The following ZNF75A variants were observed in gnomAD, a reference collection of about 807,000 sequenced individuals.
The protein encoded by ZNF75A is zinc finger protein 75A.
ZNF75A carries 36 observed loss-of-function variants against 46.3 expected under a neutral mutation model. The observed-to-expected ratio is 0.78, with a 90% CI of 0.60 to 1.03. ZNF75A has a LOEUF of 1.03. Among genes scored for constraint, ZNF75A ranks in the 50% least tolerant of loss-of-function variants. The pLI, the probability that ZNF75A is intolerant of heterozygous loss-of-function variation, is 0.00. For synonymous variants in ZNF75A, 234 were observed against 189.9 expected, an observed-to-expected ratio of 1.23 and a Z score of -1.91; for missense variants, 595 against 551.3, an observed-to-expected ratio of 1.08 and a Z score of -0.79.
downstream of ZNF75A, among the ~76,000 whole-genome samples, chr16:3,319,461 A>G (rs1298902644): frequency 1.3e-5 from 2 of 152,198 alleles, no homozygotes; most frequent in African/African-American, 4.8e-5. Flanking sequence ...GCTCTGGTCT[A>G]CATAGCTCTT....
In ZNF75A at chr16:3,312,700, G is replaced by T; in HGVS notation, c.628G>T (p.Ala210Ser). ...AGCTGTGCCTACTCAACAGATTCTA[G>T]CTTTTCCTGAGCAAACAAACACCAA... ...ERAVPTQQIL[A>S]FPEQTNTKDW... The change falls in exon 4 of 7, where the codon GCT becomes TCT. Residue 210 changes from alanine to serine, a missense_variant. Ala to Ser is a moderately conservative substitution (Grantham distance 99, BLOSUM62 1). Coordinates refer to ENST00000669516, the MANE Select transcript of ZNF75A (RefSeq NM_001302109.2). 9.8e-7 allele frequency: 1 copy of T among 1,018,006 alleles called. No homozygotes were observed. The highest frequency in any genetic ancestry group is 1.7e-5 in the African/African-American group (1 of 58,246). The allele number at this position is 1,018,006 out of a possible 1,614,324, so 63.1% of individuals were successfully genotyped here.
Position 3,317,234 on chromosome 16 carries a change from C to A in ZNF75A, c.979C>A (p.Leu327Ile), listed in dbSNP as rs1431335979. Residue 327 changes from leucine to isoleucine, a missense_variant, in exon 7 of 7, where the codon CTT becomes ATT. Leu to Ile is a conservative substitution (Grantham distance 5). Coordinates refer to ENST00000669516, the MANE Select transcript of ZNF75A (RefSeq NM_001302109.2). ...CACTGAAAATCATCAGCCTGTGTCT[C>A]TTTCTGACTTAGAAATACAAGCATC... ...NDTENHQPVSLSDLEIQASAG... is the reference protein window; with the variant it reads ...NDTENHQPVSISDLEIQASAG... 6.2e-7 allele frequency: 1 copy of A among 1,613,782 alleles called. No individual in the cohort carries two copies. The highest frequency in any genetic ancestry group is 2.2e-5 in the East Asian group (1 of 44,868).
chr16:3,316,037 T>C (rs1961181480), intron 5 of ZNF75A: 1 of 152,364 alleles, frequency 6.6e-6, no homozygotes, highest in Middle Eastern at 3.4e-3. Flanking sequence ...TGCTCAAGTA[T>C]TACTTTCTCA....
At chr16:3,314,183 A>G (rs1961022546) in intron 5 of ZNF75A, among the ~76,000 whole-genome samples, 2 of 152,174 alleles carry the variant, frequency 1.3e-5, no homozygotes, top group Admixed American at 1.3e-4. Flanking sequence ...AGTGGTTACC[A>G]TACACACTCT....
chr16:3,313,293 T>G (rs1218978199), intron 5 of ZNF75A, 118 bp downstream of exon 5: 4 of 1,032,964 alleles, frequency 3.9e-6, no homozygotes, highest in Non-Finnish European at 5.7e-6. Flanking sequence ...ATCTAGATGG[T>G]ATAGGGGAGG....
intron 5 of ZNF75A, among the ~76,000 whole-genome samples, chr16:3,315,456 A>C (rs1961140880): frequency 1.3e-5 from 2 of 152,000 alleles, no homozygotes. Context: ...TGGCCTCCCA[A>C]AGTGCTGGGA....
intron 5 of ZNF75A, among the ~76,000 whole-genome samples, chr16:3,314,408 G>A (rs1012437880): frequency 2.0e-4 from 31 of 152,176 alleles, no homozygotes; most frequent in African/African-American, 7.0e-4. Context: ...GTTGAGCTGT[G>A]CTTTCCAGCA....
chr16:3,322,901 A>G, downstream of ZNF75A: 2 of 985,318 alleles, frequency 2.0e-6, no homozygotes, highest in Non-Finnish European at 2.4e-6. Flanking sequence ...TCATTCACCA[A>G]CATTAAACCC....
Position 3,318,799 on chromosome 16 carries a change from G to C in ZNF75A, c.*930G>C. 1 of 985,452 alleles carries C rather than the reference G, an allele frequency of 1.0e-6. No homozygotes were observed. Among genetic ancestry groups the C allele is most frequent in the Non-Finnish European group, 1.2e-6 (1 of 829,946 alleles). The allele number at this position is 985,452 out of a possible 1,614,324, so 61.0% of individuals were successfully genotyped here. A position where few individuals can be genotyped will look rare whatever the true frequency, so the allele number is the denominator to read the frequency against. ...TGTGGCTCATTTGGCATGGAGACCTGGACATGTAGTCAGCAGGAGACGGTT... is the reference window on the plus strand; with the variant it reads ...TGTGGCTCATTTGGCATGGAGACCTCGACATGTAGTCAGCAGGAGACGGTT... On this transcript the variant is annotated 3_prime_UTR_variant, in exon 7 of 7. Transcript: ENST00000669516.
intron 5 of ZNF75A, among the ~76,000 whole-genome samples, chr16:3,315,835 G>A (rs1961166994): frequency 6.6e-6 from 1 of 152,170 alleles, no homozygotes. Context: ...TTCTTACCAA[G>A]GCCTCAGGAC....
rs745496719 is a variant in ZNF75A, at chr16:3,313,187, C to T, written c.823+12C>T. The T allele has an allele frequency of 6.2e-7, 1 of 1,612,414 alleles. No individual in the cohort carries two copies. Among genetic ancestry groups the T allele is most frequent in the Non-Finnish European group, 8.5e-7 (1 of 1,179,246 alleles). On this transcript the variant is annotated intron_variant, in intron 5 of 6. Transcript: ENST00000669516. Reference sequence around the variant, plus strand: ...TGTCATCTCTCTAGGTAAAGATTTTCCCTTCCCTTTATGTAGTTGAGTACT... The same window carrying T: ...TGTCATCTCTCTAGGTAAAGATTTTTCCTTCCCTTTATGTAGTTGAGTACT...
intron 5 of ZNF75A, chr16:3,316,668 G>A (rs944781287): frequency 9.5e-6 from 3 of 315,736 alleles, no homozygotes; most frequent in South Asian, 6.6e-5. Flanking sequence ...ACATGTACTG[G>A]ATTCCCATTC....
intron 5 of ZNF75A, among the ~76,000 whole-genome samples, chr16:3,313,561 A>G (rs771632367): frequency 6.6e-6 from 1 of 152,214 alleles, no homozygotes; most frequent in Non-Finnish European, 1.5e-5. Context: ...TTACTTTGAC[A>G]TATCCTGACT....
rs911483864 is a variant in ZNF75A, at chr16:3,310,043, A to G, written c.408+1207A>G. The stretch of plus-strand genomic sequence containing the variant: ...CAGAAGTTTGAGGCTACAGTGAGTT[A>G]TTATTGCAGCATTGTACTCTGGCCT... On this transcript the variant is annotated intron_variant, in intron 2 of 6. Transcript: ENST00000669516. Among the ~76,000 whole-genome samples the G allele has an allele frequency of 1.1e-4, 17 of 151,914 alleles. 1 individual carries two copies. The highest frequency in any genetic ancestry group is 1.5e-4 in the Non-Finnish European group (10 of 67,992).
downstream of ZNF75A, among the ~76,000 whole-genome samples, chr16:3,321,513 G>T (rs897287487): frequency 6.6e-6 from 1 of 152,134 alleles, no homozygotes; most frequent in Non-Finnish European, 1.5e-5. Context: ...TTTGAGACAA[G>T]GGTCTCTGTT....
Position 3,318,453 on chromosome 16 carries a change from T to A in ZNF75A, c.*584T>A, listed in dbSNP as rs1961391036. 2.0e-6 allele frequency: 2 copies of A among 985,276 alleles called. No individual in the cohort carries two copies. The highest frequency in any genetic ancestry group is 3.5e-5 in the African/African-American group (2 of 57,194). 61.0% of individuals were successfully genotyped at this position (985,276 alleles called of 1,614,324 possible). On this transcript the variant is annotated 3_prime_UTR_variant, in exon 7 of 7. Coordinates refer to ENST00000669516, the MANE Select transcript of ZNF75A (RefSeq NM_001302109.2). ...TGCACTGTCTTATGCCTCTCATTGG[T>A]GATGTTTGGAAAATAGAAGACATCT...
At chr16:3,311,241 C>G (rs886834349) in intron 2 of ZNF75A, among the ~76,000 whole-genome samples, 1 of 151,920 alleles carries the variant, frequency 6.6e-6, no homozygotes, top group African/African-American at 2.4e-5. Context: ...AGTTTGAGAC[C>G]AGCTTGACCA....
rs182489733 is a variant in ZNF75A at position 3,310,167 on chromosome 16, G to A, written c.408+1331G>A. The stretch of plus-strand genomic sequence containing the variant: ...TCTCAGCACTTTGGGAGGCTGAGGC[G>A]GGCGGATCACAAGGTCAGGAGTTCA... On this transcript the variant is annotated intron_variant, in intron 2 of 6. Transcript: ENST00000669516. Among the ~76,000 whole-genome samples the A allele has an allele frequency of 7.6e-4, 115 of 152,140 alleles. 1 individual carries two copies. In the Middle Eastern group the frequency reaches 0.014, roughly 18 times the overall value.
intron 2 of ZNF75A, 167 bp downstream of exon 2, chr16:3,309,003 T>A (rs1296532632): frequency 4.3e-6 from 1 of 233,408 alleles, no homozygotes. Context: ...ACAGAAAAGT[T>A]CACAGGTTTC....
Sources: gnomAD v4.1 joint callset for allele counts (sites outside exome capture counted in the v4.1 genomes callset) on GRCh38, gnomAD v4.1.1 for gene constraint, MANE v1.5 for transcripts, NCBI Gene and HGNC (gene_info 2026-07-23, HGNC 2026-07-21) for gene names.